Variants in SPOCK3 observed in about 807,000 individuals in gnomAD.
The protein encoded by SPOCK3 is testican-3.
In SPOCK3, 30 loss-of-function variants were observed where a neutral mutation model predicts 56.6. The ratio of observed to expected loss-of-function variants is 0.53; its 90% CI spans 0.40 to 0.72. The LOEUF (loss-of-function observed/expected upper bound fraction) is 0.72, where lower values mean the gene tolerates loss of function less well. Among genes scored for constraint, SPOCK3 ranks in the 30% least tolerant of loss-of-function variants. SPOCK3 has a pLI of 0.00. For missense variants in SPOCK3, 527 were observed against 530.0 expected, an observed-to-expected ratio of 0.99 and a Z score of 0.06; for synonymous variants, 196 against 183.3, an observed-to-expected ratio of 1.07 and a Z score of -0.56.
At chr4:167,117,940 G>C (rs1257956274) in intron 2 of SPOCK3, among the ~76,000 whole-genome samples, 2 of 152,116 alleles carry the variant, frequency 1.3e-5, no homozygotes, top group African/African-American at 4.8e-5. Flanking sequence ...CTCCACTTTG[G>C]TAGCACAGCA....
chr4:166,931,871 C>T (rs1739825021), intron 4 of SPOCK3, among the ~76,000 whole-genome samples: 1 of 152,126 alleles, frequency 6.6e-6, no homozygotes. Context: ...AATGGATGTG[C>T]CCTCTCCATT....
At chr4:166,990,571 A>G (rs1747677499) in intron 4 of SPOCK3, among the ~76,000 whole-genome samples, 1 of 152,104 alleles carries the variant, frequency 6.6e-6, no homozygotes, top group East Asian at 1.9e-4. Context: ...TTTTATACAA[A>G]GTTTAAAAAT....
At chr4:167,173,525 C>A (rs536648239) in intron 2 of SPOCK3, among the ~76,000 whole-genome samples, 1 of 152,188 alleles carries the variant, frequency 6.6e-6, no homozygotes, top group East Asian at 1.9e-4. Context: ...TAGTAAATTT[C>A]TTCATATGGC....
chr4:167,197,950 C>G (rs1434242430), intron 2 of SPOCK3, among the ~76,000 whole-genome samples: 3 of 152,162 alleles, frequency 2.0e-5, no homozygotes, highest in Non-Finnish European at 4.4e-5. Context: ...TTGCAACATT[C>G]TTGACAACAA....
At chr4:167,178,713 G>T (rs984478983) in intron 2 of SPOCK3, among the ~76,000 whole-genome samples, 3 of 151,956 alleles carry the variant, frequency 2.0e-5, no homozygotes, top group African/African-American at 7.2e-5. Context: ...CTGAGCAAAA[G>T]ATTTTCAAAA....
chr4:166,996,780 C>T (rs2150121649), intron 4 of SPOCK3, among the ~76,000 whole-genome samples: 1 of 152,228 alleles, frequency 6.6e-6, no homozygotes, highest in East Asian at 1.9e-4. Flanking sequence ...ATCCTTTACA[C>T]CGGCAGTGGT....
At chr4:167,198,239 T>G (rs895842832) in intron 2 of SPOCK3, among the ~76,000 whole-genome samples, 7 of 152,146 alleles carry the variant, frequency 4.6e-5, no homozygotes, top group African/African-American at 9.7e-5. Context: ...AACTTCTTGT[T>G]GCTTAGTATC....
At chr4:167,175,479 C>T (rs1386657822) in intron 2 of SPOCK3, among the ~76,000 whole-genome samples, 2 of 152,090 alleles carry the variant, frequency 1.3e-5, no homozygotes, top group Admixed American at 6.6e-5. Context: ...AAAATTTAAA[C>T]GTTGAAAGCC....
intron 2 of SPOCK3, among the ~76,000 whole-genome samples, chr4:167,081,414 C>T (rs1249634875): frequency 6.6e-6 from 1 of 151,964 alleles, no homozygotes; most frequent in Non-Finnish European, 1.5e-5. Context: ...AAGTCAGTGG[C>T]TCTCCTGTTA....
chr4:167,143,012 G>A (rs1763659090), intron 2 of SPOCK3, among the ~76,000 whole-genome samples: 1 of 151,866 alleles, frequency 6.6e-6, no homozygotes, highest in Non-Finnish European at 1.5e-5. Context: ...TAGAAATATA[G>A]AGATGTGTAA....
intron 6 of SPOCK3, among the ~76,000 whole-genome samples, chr4:166,817,249 A>T (rs1327403327): frequency 6.6e-6 from 1 of 152,126 alleles, no homozygotes; most frequent in Admixed American, 6.6e-5. Context: ...AGGAAACTGT[A>T]TCTTTTGTAA....
At chr4:166,741,971 C>A in intron 9 of SPOCK3, 26 bp downstream of exon 9, 1 of 1,537,854 alleles carries the variant, frequency 6.5e-7, no homozygotes, top group Non-Finnish European at 9.0e-7. Context: ...GCAATAAAGC[C>A]TTCAGAAGAA....
chr4:167,154,823 T>A (rs1300579118), intron 2 of SPOCK3, among the ~76,000 whole-genome samples: 2 of 152,106 alleles, frequency 1.3e-5, no homozygotes, highest in East Asian at 1.9e-4. Context: ...TAGAATAGCA[T>A]CTCCAAAATC....
chr4:167,008,241 A>C (rs1749657865), intron 3 of SPOCK3, among the ~76,000 whole-genome samples: 1 of 152,006 alleles, frequency 6.6e-6, no homozygotes, highest in East Asian at 1.9e-4. Flanking sequence ...AGGAAGATTA[A>C]TATTCTATTG....
intron 4 of SPOCK3, among the ~76,000 whole-genome samples, chr4:166,974,922 T>G (rs1316539352): frequency 6.6e-6 from 1 of 152,208 alleles, no homozygotes; most frequent in Non-Finnish European, 1.5e-5. Flanking sequence ...AGTGATTAGG[T>G]CATGAGGACT....
At chr4:166,981,488 G>A (rs1746565662) in intron 4 of SPOCK3, among the ~76,000 whole-genome samples, 1 of 152,156 alleles carries the variant, frequency 6.6e-6, no homozygotes, top group Non-Finnish European at 1.5e-5. Flanking sequence ...ACTCTACGTG[G>A]GTAGCTCCTT....
At chr4:166,926,493 G>T (rs1374867781) in intron 4 of SPOCK3, among the ~76,000 whole-genome samples, 6 of 152,074 alleles carry the variant, frequency 3.9e-5, no homozygotes, top group East Asian at 1.9e-4. Context: ...CAATGGGAAG[G>T]TTTGATACCT....
intron 2 of SPOCK3, among the ~76,000 whole-genome samples, chr4:167,222,068 T>G (rs949940339): frequency 2.0e-5 from 3 of 152,134 alleles, no homozygotes; most frequent in Non-Finnish European, 2.9e-5. Flanking sequence ...GGTTTTTTAT[T>G]GACAGATAAG....
chr4:166,754,981 T>C (rs1185801074), intron 7 of SPOCK3, among the ~76,000 whole-genome samples: 1 of 151,968 alleles, frequency 6.6e-6, no homozygotes, highest in East Asian at 1.9e-4. Flanking sequence ...TCAATGGCAG[T>C]TACTATTATA....
Sources: allele counts gnomAD v4.1 joint callset (sites outside exome capture counted in the v4.1 genomes callset), GRCh38; gene constraint gnomAD v4.1.1; transcripts MANE v1.5; gene names NCBI Gene and HGNC (gene_info 2026-07-23, HGNC 2026-07-21).